Variants in KIAA2012 observed in about 807,000 individuals in gnomAD.
KIAA2012 encodes the protein KIAA2012.
A neutral mutation model predicts 150.6 loss-of-function variants in KIAA2012; 125 were observed. The observed-to-expected ratio is 0.83, with a 90% CI of 0.72 to 0.96. The LOEUF (loss-of-function observed/expected upper bound fraction) is 0.96. KIAA2012 is among the 40% of genes least tolerant of loss of function. The probability of loss-of-function intolerance (pLI) is 0.00; values close to 1 mark genes in which losing one functional copy is unlikely to be tolerated. For synonymous variants in KIAA2012, 462 were observed against 504.7 expected (o/e 0.92, Z 1.13); for missense variants, 1,219 against 1,354.9 (o/e 0.90, Z 1.57).
At chr2:202,118,774 T>A (rs1690587874) in intron 11 of KIAA2012, among the ~76,000 whole-genome samples, 1 of 152,188 alleles carries the variant, frequency 6.6e-6, no homozygotes, top group South Asian at 2.1e-4. Context: ...GGAAGCAGTG[T>A]TCTTTCCCTC....
At chr2:202,132,802 A>ATATATTTT (rs1473790947) in intron 12 of KIAA2012, among the ~76,000 whole-genome samples, 25 of 94,690 alleles carry the variant, frequency 2.6e-4, no homozygotes, top group African/African-American at 7.2e-4. Flanking sequence ...ATATATATAT[A>ATATATTTT]TTTTTTTTTT....
intron 4 of KIAA2012, among the ~76,000 whole-genome samples, chr2:202,096,059 G>C (rs550284652): frequency 1.3e-5 from 2 of 152,030 alleles, no homozygotes; most frequent in Non-Finnish European, 2.9e-5. Flanking sequence ...ACTCCAGCCT[G>C]GGCAACAGAG....
intron 16 of KIAA2012, among the ~76,000 whole-genome samples, chr2:202,185,045 A>T (rs936119963): frequency 6.6e-6 from 1 of 152,168 alleles, no homozygotes; most frequent in African/African-American, 2.4e-5. Flanking sequence ...TACCTAAATC[A>T]TATTTATTTG....
At chr2:202,080,659 G>A (rs1414827716) in intron 2 of KIAA2012, among the ~76,000 whole-genome samples, 1 of 138,120 alleles carries the variant, frequency 7.2e-6, no homozygotes, top group Non-Finnish European at 1.5e-5. Flanking sequence ...TCATGCCATT[G>A]CACTCCAAAC....
rs996560284 is a variant in KIAA2012 at position 202,099,817 on chromosome 2, C to T, written c.1012+21C>T. On this transcript the variant is annotated intron_variant, in intron 6 of 23. Coordinates refer to ENST00000498697, the MANE Select transcript of KIAA2012 (RefSeq NM_001277372.4). ...CAGCGGTAAGAACTCAAATGTCTTG[C>T]TCATTGATCTGGGTAAAGCCAGTCA... 5.9e-6 allele frequency: 9 copies of T among 1,536,314 alleles called. No individual in the cohort carries two copies. In the Admixed American group the frequency reaches 8.1e-5, roughly 14 times the overall value.
chr2:202,155,762 T>A (rs150727823), intron 14 of KIAA2012, among the ~76,000 whole-genome samples: 22 of 152,368 alleles, frequency 1.4e-4, no homozygotes, highest in African/African-American at 5.3e-4. Context: ...TTCCCTGGGC[T>A]GCCCCAATCC....
chr2:202,152,453 C>G (rs6744106), intron 13 of KIAA2012, among the ~76,000 whole-genome samples: 105,863 of 152,058 alleles, frequency 0.7, 37,802 homozygotes, highest in African/African-American at 0.87. Context: ...CGTTGGAACT[C>G]GTCTTGACTA....
At chr2:202,169,645 C>T (rs1225078087) in intron 15 of KIAA2012, among the ~76,000 whole-genome samples, 4 of 152,176 alleles carry the variant, frequency 2.6e-5, no homozygotes, top group Non-Finnish European at 5.9e-5. Context: ...GTAAGAACCA[C>T]CTATCTAGAC....
chr2:202,149,382 C>T (rs559664234), intron 13 of KIAA2012, among the ~76,000 whole-genome samples: 14 of 152,332 alleles, frequency 9.2e-5, no homozygotes, highest in African/African-American at 2.4e-4. Flanking sequence ...TCCCCCGACC[C>T]GCTCTTCAAA....
chr2:202,171,775 A>C (rs1185399577), intron 15 of KIAA2012, among the ~76,000 whole-genome samples: 5 of 151,660 alleles, frequency 3.3e-5, no homozygotes, highest in Non-Finnish European at 7.4e-5. Flanking sequence ...TGGACTTTTT[A>C]ATTGATACTG....
At chr2:202,190,114 G>A (rs1692298462) in intron 18 of KIAA2012, 60 bp from the exon 19 acceptor site, 2 of 1,337,460 alleles carry the variant, frequency 1.5e-6, no homozygotes, top group Admixed American at 2.9e-5. Flanking sequence ...TAAAAAGGAT[G>A]TATAGTGATC....
chr2:202,073,691 G>A lies in KIAA2012; in HGVS notation c.64G>A (p.Glu22Lys). ...GCTGGGCCAGGACAAACAGAAGTTAGAAGTCTACTTTGAACCAGAGGTGAG... is the reference window on the plus strand; with the variant it reads ...GCTGGGCCAGGACAAACAGAAGTTAAAAGTCTACTTTGAACCAGAGGTGAG... ...GKLGQDKQKL[E>K]VYFEPEDYLN... Residue 22 changes from glutamate to lysine, a missense_variant, in exon 1 of 24, where the codon GAA (glutamate) becomes AAA (lysine). By Grantham distance (56) the Glu-to-Lys change is moderately conservative. Coordinates refer to ENST00000498697, the MANE Select transcript of KIAA2012 (RefSeq NM_001277372.4). 11 of 1,550,484 alleles carry A rather than the reference G, an allele frequency of 7.1e-6. No homozygotes were observed. The highest frequency in any genetic ancestry group is 9.6e-6 in the Non-Finnish European group (11 of 1,146,946).
chr2:202,171,668 A>G (rs978152196), intron 15 of KIAA2012, among the ~76,000 whole-genome samples: 2 of 152,076 alleles, frequency 1.3e-5, no homozygotes, highest in African/African-American at 4.8e-5. Context: ...GGAGACTGGC[A>G]GAGCTAGAAG....
At chr2:202,159,599 T>C (rs1198030952) in intron 14 of KIAA2012, among the ~76,000 whole-genome samples, 4 of 152,172 alleles carry the variant, frequency 2.6e-5, no homozygotes, top group Admixed American at 6.5e-5. Context: ...CCCAGCACTT[T>C]GGGAGGCCAA....
chr2:202,102,244 A>T (rs1690062575), intron 7 of KIAA2012, among the ~76,000 whole-genome samples: 1 of 152,150 alleles, frequency 6.6e-6, no homozygotes, highest in Non-Finnish European at 1.5e-5. Context: ...AAAGTTGCTG[A>T]TTCTGACACA....
At chr2:202,142,732 A>C (rs1691218386) in intron 13 of KIAA2012, among the ~76,000 whole-genome samples, 1 of 152,138 alleles carries the variant, frequency 6.6e-6, no homozygotes, top group Non-Finnish European at 1.5e-5. Flanking sequence ...TAGAATCAAG[A>C]TGGAGTTGGT....
intron 22 of KIAA2012, chr2:202,201,937 G>T: frequency 2.6e-6 from 2 of 775,584 alleles, no homozygotes; most frequent in Non-Finnish European, 4.5e-6. Context: ...TATCTTTTCC[G>T]TCCTCTTCCT....
rs372396871 is a variant in KIAA2012 at position 202,200,942 on chromosome 2, G to A, written c.3408-1487G>A. On this transcript the variant is annotated intron_variant, in intron 22 of 23. Transcript: ENST00000498697. ...GCTTGTCTCGAACTCCCGACCTCAA[G>A]TGATCCGCCTGCCTCAGCTTCCCAA... 6.6e-5 allele frequency among the ~76,000 whole-genome samples: 10 copies of A among 152,186 alleles called. No homozygotes were observed. In the East Asian group the frequency reaches 1.7e-3, roughly 27 times the overall value.
chr2:202,096,600 G>A (rs1161834709), intron 4 of KIAA2012, among the ~76,000 whole-genome samples: 1 of 152,192 alleles, frequency 6.6e-6, no homozygotes, highest in Non-Finnish European at 1.5e-5. Context: ...CTGGCTGGAG[G>A]CAGGAGGAGA....
Sources: gnomAD v4.1 joint callset for allele counts (sites outside exome capture counted in the v4.1 genomes callset) on GRCh38, gnomAD v4.1.1 for gene constraint, MANE v1.5 for transcripts, NCBI Gene and HGNC (gene_info 2026-07-23, HGNC 2026-07-21) for gene names.